Variants in RBFOX1 observed in about 807,000 individuals in gnomAD.
RBFOX1 encodes the protein RNA binding protein fox-1 homolog 1.
Under a neutral mutation model 57.7 loss-of-function variants are expected in RBFOX1, and 8 were observed. The ratio of observed to expected loss-of-function variants is 0.14; its 90% CI spans 0.08 to 0.25. RBFOX1 has a LOEUF of 0.25. Among genes scored for constraint, RBFOX1 ranks in the 10% least tolerant of loss-of-function variants. The pLI is 1.00. For synonymous variants in RBFOX1, 326 were observed against 222.4 expected (o/e 1.47, Z -4.15); for missense variants, 611 against 548.5 (o/e 1.11, Z -1.14).
intron 1 of RBFOX1, among the ~76,000 whole-genome samples, chr16:6,137,055 G>A (rs1045081552): frequency 2.0e-5 from 3 of 152,134 alleles, no homozygotes; most frequent in Non-Finnish European, 4.4e-5. Flanking sequence ...GATCCGAGAC[G>A]TTTTCAAGAA....
Position 5,947,852 on chromosome 16 carries a change from T to C in RBFOX1, c.351+80517T>C, listed in dbSNP as rs559740921. ...TTTTTAAATTTGCTAAAAGTACCTG[T>C]TGTAATTACCGGGCCACCCGTAACG... On this transcript the variant is annotated intron_variant, in intron 4 of 19. Transcript: ENST00000641259. This position sits in a 1 kb window ranked among gnomAD's most constrained non-coding sequence, Gnocchi z 7.2. Among the ~76,000 whole-genome samples the C allele has an allele frequency of 3.8e-4, 58 of 152,370 alleles. No homozygotes were observed. Among genetic ancestry groups the C allele is most frequent in the Middle Eastern group, 3.4e-3 (1 of 294 alleles).
intron 3 of RBFOX1, among the ~76,000 whole-genome samples, chr16:7,021,658 T>G (rs1199113751): frequency 6.7e-6 from 1 of 148,864 alleles, no homozygotes; most frequent in African/African-American, 2.4e-5. Flanking sequence ...AAATTTTTAT[T>G]TCCCTCAGCC....
intron 3 of RBFOX1, among the ~76,000 whole-genome samples, chr16:5,730,609 C>T (rs186236319): frequency 7.2e-5 from 11 of 152,240 alleles, no homozygotes; most frequent in Non-Finnish European, 8.8e-5. Context: ...TCACCACTGC[C>T]GTTGTCACCA....
chr16:7,207,203 C>T (rs933029076), intron 4 of RBFOX1, among the ~76,000 whole-genome samples: 12 of 152,246 alleles, frequency 7.9e-5, no homozygotes, highest in African/African-American at 2.6e-4. Context: ...TTGTGTCTTC[C>T]GTAGCTGCTC....
chr16:6,655,230 C>T (rs1032613429), intron 3 of RBFOX1, among the ~76,000 whole-genome samples: 6 of 151,172 alleles, frequency 4.0e-5, no homozygotes, highest in East Asian at 3.9e-4. Flanking sequence ...AAAAATTAGC[C>T]GGGTGTGGTG....
Position 7,607,259 on chromosome 16 carries a change from T to C in RBFOX1, c.623-26T>C, listed in dbSNP as rs1205630905. On this transcript the variant is annotated intron_variant, in intron 9 of 15. Transcript: ENST00000550418. ...TAAGATGTTGAATCAAATGTGATAA[T>C]AATGTTTTTGTGTATTTGTTTTAAG... 12 of 1,597,514 alleles carry C rather than the reference T, an allele frequency of 7.5e-6. No individual in the cohort carries two copies. In the Admixed American group the frequency reaches 2.1e-4, roughly 28 times the overall value.
intron 4 of RBFOX1, among the ~76,000 whole-genome samples, chr16:6,010,133 T>C (rs2094952807): frequency 6.6e-6 from 1 of 152,054 alleles, no homozygotes; most frequent in Non-Finnish European, 1.5e-5. Context: ...GCCCCACACC[T>C]CGTATCCCCA....
At chr16:6,696,009 G>C (rs955659808) in intron 3 of RBFOX1, among the ~76,000 whole-genome samples, 1 of 152,148 alleles carries the variant, frequency 6.6e-6, no homozygotes, top group Non-Finnish European at 1.5e-5. Context: ...GATTTCTACA[G>C]CGTATCCACT....
chr16:7,653,072 T>C (rs1167773363), intron 11 of RBFOX1, among the ~76,000 whole-genome samples: 2 of 152,234 alleles, frequency 1.3e-5, no homozygotes, highest in African/African-American at 4.8e-5. Flanking sequence ...TATGTATATA[T>C]ACATGCACAC....
intron 4 of RBFOX1, among the ~76,000 whole-genome samples, chr16:7,148,584 T>G (rs981760780): frequency 1.3e-5 from 2 of 152,234 alleles, no homozygotes; most frequent in Admixed American, 1.3e-4. Flanking sequence ...AATGGAGATT[T>G]TCCAAGTTTG....
chr16:5,722,352 A>G (rs866568268), intron 3 of RBFOX1, among the ~76,000 whole-genome samples: 1 of 152,218 alleles, frequency 6.6e-6, no homozygotes, highest in South Asian at 2.1e-4. Flanking sequence ...CTTTGCTGGT[A>G]TAGACTTGGC....
chr16:7,571,254 G>A (rs191680943), intron 5 of RBFOX1, among the ~76,000 whole-genome samples: 62 of 152,206 alleles, frequency 4.1e-4, no homozygotes, highest in Non-Finnish European at 7.8e-4. Context: ...CCACTTACCT[G>A]GTCATCACTA....
intron 1 of RBFOX1, among the ~76,000 whole-genome samples, chr16:5,452,902 G>T (rs2068471207): frequency 6.6e-6 from 1 of 152,130 alleles, no homozygotes; most frequent in Admixed American, 6.5e-5. Flanking sequence ...AAAGTGCTGG[G>T]ATTACAGGTG....
chr16:5,449,246 T>C (rs2068347426), intron 1 of RBFOX1, among the ~76,000 whole-genome samples: 1 of 152,150 alleles, frequency 6.6e-6, no homozygotes, highest in Non-Finnish European at 1.5e-5. Context: ...TGGCCTTTCC[T>C]CTTCCTGAAA....
At chr16:7,563,928 G>A (rs528042515) in intron 5 of RBFOX1, among the ~76,000 whole-genome samples, 1 of 152,282 alleles carries the variant, frequency 6.6e-6, no homozygotes, top group East Asian at 1.9e-4. Context: ...CTGATGTATA[G>A]TAGGTGCTCA....
chr16:5,403,417 A>G (rs900740940), intron 1 of RBFOX1, among the ~76,000 whole-genome samples: 1 of 151,606 alleles, frequency 6.6e-6, no homozygotes, highest in African/African-American at 2.4e-5. Flanking sequence ...TATGTAATGC[A>G]CTGCTTGTAA....
At chr16:7,241,494 A>G (rs73544856) in intron 4 of RBFOX1, among the ~76,000 whole-genome samples, 8,621 of 152,300 alleles carry the variant, frequency 0.057, 672 homozygotes, top group African/African-American at 0.17. Context: ...TTCTTGAAAC[A>G]GGACATCTTG....
intron 1 of RBFOX1, among the ~76,000 whole-genome samples, chr16:5,458,566 A>C (rs1040207842): frequency 6.6e-6 from 1 of 152,224 alleles, no homozygotes; most frequent in Non-Finnish European, 1.5e-5. Context: ...CTGAGCCTCA[A>C]AGGTTAGGCA....
At chr16:5,998,403 A>G (rs1161711164) in intron 4 of RBFOX1, among the ~76,000 whole-genome samples, 2 of 152,364 alleles carry the variant, frequency 1.3e-5, no homozygotes, top group South Asian at 2.1e-4. Context: ...TCAAAAAATA[A>G]TCAGTAGTTT....
Sources: allele counts gnomAD v4.1 joint callset (sites outside exome capture counted in the v4.1 genomes callset), GRCh38; gene constraint gnomAD v4.1.1; non-coding constraint Gnocchi (gnomAD v3.1); transcripts MANE v1.5; gene names NCBI Gene and HGNC (gene_info 2026-07-23, HGNC 2026-07-21).